The following GATM variants were observed in gnomAD, a reference collection of about 807,000 sequenced individuals.
GATM encodes the protein glycine amidinotransferase, mitochondrial.
A neutral mutation model predicts 54.2 loss-of-function variants in GATM; 23 were observed. The ratio of observed to expected loss-of-function variants is 0.42; its 90% CI spans 0.31 to 0.60. The LOEUF (loss-of-function observed/expected upper bound fraction) is 0.60. Ranked by LOEUF, GATM falls within the 20% of genes least tolerant of loss-of-function variation. The pLI is 0.14. For synonymous variants in GATM, 168 were observed against 183.1 expected (o/e 0.92, Z 0.67); for missense variants, 401 against 544.9 (o/e 0.74, Z 2.63).
chr15:45,368,109 T>G lies in GATM; in HGVS notation c.636A>C (p.Thr212=). The change falls in exon 4 of 9, where the codon ACA becomes ACC. Residue 212 remains threonine, a synonymous_variant. Transcript: ENST00000396659. The surrounding 1 kb of genome is among the most constrained non-coding windows in gnomAD (Gnocchi z 5.1). The part of the protein sequence containing the change: ...DYFHRGAKWT[T]APKPTMADEL... The stretch of plus-strand genomic sequence containing the variant: ...CATCAGCCATTGTGGGCTTAGGAGC[T>G]GTTGTCCACTTGGCGCCACGGTGGA... 6.2e-7 allele frequency: 1 copy of G among 1,614,154 alleles called. No individual in the cohort carries two copies. The highest frequency in any genetic ancestry group is 8.5e-7 in the Non-Finnish European group (1 of 1,180,032).
intron 7 of GATM, chr15:45,364,332 T>C: frequency 2.8e-6 from 1 of 360,642 alleles, no homozygotes; most frequent in African/African-American, 2.1e-5. Flanking sequence ...CCAGAGATGG[T>C]GCCTCACTGG....
rs1153854 is a variant in GATM, at chr15:45,370,995, A to T, written c.289-1474T>A. Among the ~76,000 whole-genome samples, 3 of 152,002 alleles carry T rather than the reference A, an allele frequency of 2.0e-5. No homozygotes were observed. The East Asian group carries it at 5.8e-4, about 29-fold the overall frequency. On this transcript the variant is annotated intron_variant, in intron 2 of 8. Coordinates refer to ENST00000396659, the MANE Select transcript of GATM (RefSeq NM_001482.3). Reference sequence around the variant, plus strand: ...TCACCATGTTGGCCAGGCTGGTCTCAATCTCCTGACCTCGTGATCCACCCG... The same window carrying T: ...TCACCATGTTGGCCAGGCTGGTCTCTATCTCCTGACCTCGTGATCCACCCG...
At position 45,376,764 on chromosome 15, in the gene GATM, G is replaced by C; in HGVS notation, c.125C>G (p.Ala42Gly). 6.2e-7 allele frequency: 1 copy of C among 1,614,176 alleles called. No homozygotes were observed. The highest frequency in any genetic ancestry group is 1.1e-5 in the South Asian group (1 of 91,090). Residue 42 changes from alanine (A) to glycine (G), a missense_variant, in exon 2 of 9, where the codon GCT (alanine) becomes GGT (glycine). Transcript: ENST00000396659. The part of the protein sequence containing the change: ...VQRTFQSTQA[A>G]TASSRNSCAA... ...ACAGGAGTTCCGGGAGGAAGCCGTA[G>C]CTGCCTGGGTGCTCTGGAAAGTTCG...
At chr15:45,369,614 A>G in intron 2 of GATM, 93 bp from the exon 3 acceptor site, 1 of 1,147,566 alleles carries the variant, frequency 8.7e-7, no homozygotes, top group South Asian at 1.3e-5. Context: ...TGTATAAGGT[A>G]TTGGAATTGA....
At chr15:45,399,687 G>A (rs1432557103) in intron 1 of GATM, 1 of 152,172 alleles carries the variant, frequency 6.6e-6, no homozygotes. Context: ...ATAATATATA[G>A]AGACAACAGA....
chr15:45,362,154 G>C lies in GATM; in HGVS notation c.1227C>G (p.Thr409=), dbSNP rs1555383902. Residue 409 remains threonine (T), a synonymous_variant, in exon 9 of 9, where the codon ACC becomes ACG. Transcript: ENST00000396659. ...NSLGGGFHCW[T]CDVRRRGTLQ... Reference sequence around the variant, plus strand: ...AGGTGCCTCGGCGCCGGACATCGCAGGTCCAGCAATGGAAGCCTCCTCCCA... The same window carrying C: ...AGGTGCCTCGGCGCCGGACATCGCACGTCCAGCAATGGAAGCCTCCTCCCA... 1 of 1,613,850 alleles carries C rather than the reference G, an allele frequency of 6.2e-7. No homozygotes were observed. The highest frequency in any genetic ancestry group is 8.5e-7 in the Non-Finnish European group (1 of 1,179,802).
chr15:45,377,036 T>G lies in GATM; in HGVS notation c.70-217A>C, dbSNP rs76501954. The G allele has an allele frequency of 8.1e-3, 4,805 of 590,490 alleles. 208 individuals are homozygous for G. The highest frequency in any genetic ancestry group is 0.081 in the African/African-American group (4,343 of 53,928). The allele number at this position is 590,490 out of a possible 1,614,324, so 36.6% of individuals were successfully genotyped here. ...TATCTACAAATTGTCTTCTTATCTA[T>G]TAATTGCTGTAACTCTTTAAAACTC... is the stretch of plus-strand genomic sequence containing the variant. On this transcript the variant is annotated intron_variant, in intron 1 of 8. Coordinates refer to ENST00000396659, the MANE Select transcript of GATM (RefSeq NM_001482.3).
chr15:45,391,094 G>C (rs942424990), intron 3 of GATM, among the ~76,000 whole-genome samples: 5 of 152,160 alleles, frequency 3.3e-5, no homozygotes, highest in African/African-American at 1.2e-4. Flanking sequence ...CCTTAGAAAG[G>C]TATTTTGTAT....
rs1889407662 is a variant in GATM, at chr15:45,364,030, C to T, written c.1043-14G>A. Reference sequence around the variant, plus strand: ...AGAGTGGATGATCTAAAAACAGCAACAACTGTTAAACCATGTCCGCTATCA... The same window carrying T: ...AGAGTGGATGATCTAAAAACAGCAATAACTGTTAAACCATGTCCGCTATCA... On this transcript the variant is annotated splice_polypyrimidine_tract_variant and intron_variant, in intron 7 of 8. Transcript: ENST00000396659. 1.4e-6 allele frequency: 2 copies of T among 1,423,866 alleles called. No homozygotes were observed. The allele number at this position is 1,423,866 out of a possible 1,614,324, so 88.2% of individuals were successfully genotyped here.
intron 2 of GATM, among the ~76,000 whole-genome samples, chr15:45,375,220 G>A (rs1480946711): frequency 3.9e-5 from 6 of 152,020 alleles, no homozygotes; most frequent in Admixed American, 2.0e-4. Context: ...ACAGGCACCC[G>A]CCACCACGCC....
chr15:45,364,677 C>T (rs952603868), intron 7 of GATM, 120 bp downstream of exon 7: 3 of 901,408 alleles, frequency 3.3e-6, no homozygotes, highest in South Asian at 1.4e-5. Context: ...CACCACTTCA[C>T]ACCTTACTGA....
Position 45,366,468 on chromosome 15 carries a change from G to A in GATM, c.716C>T (p.Ala239Val). 6.2e-7 allele frequency: 1 copy of A among 1,614,110 alleles called. No individual in the cohort carries two copies. The highest frequency in any genetic ancestry group is 8.5e-7 in the Non-Finnish European group (1 of 1,180,006). Residue 239 changes from alanine (A) to valine (V), a missense_variant, in exon 5 of 9, where the codon GCT (alanine) becomes GTT (valine). This residue lies in a region of GATM where 321 missense variants were observed against 457.5 expected (regional missense o/e 0.70). Transcript: ENST00000396659. ...AGTTGTCACAAATTTTCCCTGAGCA[G>A]CCAATTTGTGTCTGTCTTCTACAGA... is the stretch of plus-strand genomic sequence containing the variant. ...IHSVEDRHKL[A>V]AQGKFVTTEF...
At chr15:45,363,156 C>T (rs12595153) in intron 8 of GATM, among the ~76,000 whole-genome samples, 48,599 of 151,942 alleles carry the variant, frequency 0.32, 8,876 homozygotes, top group East Asian at 0.83. Flanking sequence ...CTTGTAATCC[C>T]AGCTACTCAG....
At position 45,393,225 on chromosome 15, in the gene GATM, A is replaced by G. The variant is rs531521157; in HGVS notation, c.-319+3697T>C. On this transcript the variant is annotated intron_variant, in intron 3 of 4. Transcript: ENST00000561148. ...ATTTTAAAGCCTTGTCTAAGGTCAC[A>G]TAACTATTAATTGGTGGGTGTGGTT... is the stretch of plus-strand genomic sequence containing the variant. 1.4e-4 allele frequency among the ~76,000 whole-genome samples: 21 copies of G among 152,322 alleles called. No homozygotes were observed. The East Asian group carries it at 3.9e-3, about 28-fold the overall frequency.
chr15:45,365,166 A>G (rs913946925), intron 6 of GATM, among the ~76,000 whole-genome samples: 3 of 152,218 alleles, frequency 2.0e-5, no homozygotes, highest in Non-Finnish European at 2.9e-5. Flanking sequence ...AGAAATTCTC[A>G]TTTTAAAAAT....
At chr15:45,379,973 A>T (rs1889714640), upstream of GATM, 2 of 152,040 alleles carry the variant, frequency 1.3e-5, no homozygotes, top group East Asian at 3.9e-4. Flanking sequence ...TACAAAAAAA[A>T]ATTAGCCGGG....
At chr15:45,382,137 A>G (rs1889748967), upstream of GATM, among the ~76,000 whole-genome samples, 1 of 152,244 alleles carries the variant, frequency 6.6e-6, no homozygotes, top group Non-Finnish European at 1.5e-5. Context: ...GTTCATCCAG[A>G]TCTACCTAAG....
chr15:45,363,953 C>A lies in GATM; in HGVS notation c.1106G>T (p.Arg369Leu). The A allele has an allele frequency of 1.2e-6, 2 of 1,613,706 alleles. No homozygotes were observed. The highest frequency in any genetic ancestry group is 1.7e-6 in the Non-Finnish European group (2 of 1,179,874). Reference protein sequence around the residue: ...SMNVLMLDEKRVMVDANEVPI... With the variant: ...SMNVLMLDEKLVMVDANEVPI... ...AACTTCATTGGCATCCACCATAACA[C>A]GTTTTTCATCTAGCATTAAGACATT... Residue 369 changes from arginine (R) to leucine (L), a missense_variant, in exon 8 of 9, where the codon CGT becomes CTT. Transcript: ENST00000396659.
chr15:45,369,668 C>T lies in GATM; in HGVS notation c.289-147G>A. The T allele has an allele frequency of 1.1e-5, 8 of 714,218 alleles. 1 individual carries two copies. In the South Asian group the frequency reaches 1.2e-4, roughly 11 times the overall value. The allele number at this position is 714,218 out of a possible 1,614,324, so 44.2% of individuals were successfully genotyped here. On this transcript the variant is annotated intron_variant, in intron 2 of 8. Transcript: ENST00000396659. ...TTCAGTGCTGATCCCTAGCATTGAG[C>T]ACATAAGCCCTCTGGGCAGACACTC...
Sources: gnomAD v4.1 joint callset for allele counts (sites outside exome capture counted in the v4.1 genomes callset) on GRCh38, gnomAD v4.1.1 for gene constraint, gnomAD v4.1.1 regional missense constraint, Gnocchi (gnomAD v3.1) non-coding constraint, MANE v1.5 for transcripts, NCBI Gene and HGNC (gene_info 2026-07-23, HGNC 2026-07-21) for gene names.